RBM26: variants seen among roughly 807,000 people sequenced by gnomAD.
RBM26 encodes the protein RNA-binding protein 26.
A neutral mutation model predicts 123.6 loss-of-function variants in RBM26; 30 were observed. The ratio of observed to expected loss-of-function variants is 0.24; its 90% CI spans 0.18 to 0.33. RBM26 has a LOEUF of 0.33. Among genes scored for constraint, RBM26 ranks in the 10% least tolerant of loss-of-function variants. The pLI, the probability that RBM26 is intolerant of heterozygous loss-of-function variation, is 1.00. For synonymous variants in RBM26, 400 were observed against 404.4 expected, an observed-to-expected ratio of 0.99 and a Z score of 0.13; for missense variants, 947 against 1,203.6, an observed-to-expected ratio of 0.79 and a Z score of 3.15.
At chr13:79,354,309 G>T in intron 13 of RBM26, 130 bp downstream of exon 13, 1 of 700,626 alleles carries the variant, frequency 1.4e-6, no homozygotes, top group East Asian at 3.3e-5. Context: ...CCTTATAGGT[G>T]GGGTTCAAAT....
intron 20 of RBM26, among the ~76,000 whole-genome samples, chr13:79,322,802 G>A (rs2067836855): frequency 6.6e-6 from 1 of 151,408 alleles, no homozygotes; most frequent in Non-Finnish European, 1.5e-5. Flanking sequence ...GACAACTGCT[G>A]TTTAAGATGA....
At chr13:79,390,897 T>C (rs1342791765) in intron 1 of RBM26, among the ~76,000 whole-genome samples, 1 of 152,048 alleles carries the variant, frequency 6.6e-6, no homozygotes, top group African/African-American at 2.4e-5. Context: ...AATAAGAGAA[T>C]AGTGTAAAAG....
intron 1 of RBM26, chr13:79,389,615 G>A (rs2077771072): frequency 6.6e-6 from 1 of 152,240 alleles, no homozygotes; most frequent in East Asian, 1.9e-4. Context: ...GGTGTTCAGA[G>A]TGGTATGGCC....
chr13:79,356,712 T>C (rs1338613344), intron 11 of RBM26, among the ~76,000 whole-genome samples: 8 of 152,288 alleles, frequency 5.3e-5, no homozygotes, highest in South Asian at 2.1e-4. Flanking sequence ...CTAAAGAGTT[T>C]TGAAAATTGA....
intron 3 of RBM26, 190 bp downstream of exon 3, chr13:79,377,189 C>T: frequency 2.0e-6 from 1 of 494,954 alleles, no homozygotes; most frequent in Non-Finnish European, 3.6e-6. Flanking sequence ...TGCTTTATAT[C>T]CTTTTGCTGA....
chr13:79,363,551 T>C (rs1429194635), intron 9 of RBM26, among the ~76,000 whole-genome samples: 1 of 152,152 alleles, frequency 6.6e-6, no homozygotes, highest in African/African-American at 2.4e-5. Flanking sequence ...ACATGATGTA[T>C]CTAAAGAAGA....
At chr13:79,371,965 A>G (rs2075932246) in intron 3 of RBM26, 35 bp from the exon 4 acceptor site, 2 of 1,445,806 alleles carry the variant, frequency 1.4e-6, no homozygotes, top group Admixed American at 3.5e-5. Context: ...GTACAAGTTT[A>G]GTAATTATTC....
chr13:79,334,020 A>G (rs9530894), intron 20 of RBM26, among the ~76,000 whole-genome samples: 76,649 of 151,910 alleles, frequency 0.5, 19,746 homozygotes, highest in Middle Eastern at 0.6. Context: ...GTTTTGGGTC[A>G]GCTGAAAAAA....
intron 1 of RBM26, 54 bp downstream of exon 1, chr13:79,405,650 G>A: frequency 7.7e-7 from 1 of 1,306,828 alleles, no homozygotes; most frequent in Non-Finnish European, 1.1e-6. Flanking sequence ...AGATCTCTGG[G>A]TCCGCCTATC....
intron 1 of RBM26, among the ~76,000 whole-genome samples, chr13:79,385,414 A>G (rs556399939): frequency 2.0e-5 from 3 of 152,338 alleles, no homozygotes; most frequent in East Asian, 3.9e-4. Context: ...GCATCACACA[A>G]TCTATTAATA....
At chr13:79,325,060 A>G (rs988936981) in intron 20 of RBM26, among the ~76,000 whole-genome samples, 1 of 152,128 alleles carries the variant, frequency 6.6e-6, no homozygotes, top group Admixed American at 6.6e-5. Flanking sequence ...CCTTATAACT[A>G]TCATAATACA....
intron 18 of RBM26, among the ~76,000 whole-genome samples, chr13:79,338,369 T>C (rs1421478757): frequency 3.9e-5 from 6 of 152,168 alleles, no homozygotes; most frequent in African/African-American, 1.4e-4. Flanking sequence ...TTCCATTTTA[T>C]TCTCCGCTTT....
At chr13:79,391,823 TA>T (rs1463854299) in intron 1 of RBM26, among the ~76,000 whole-genome samples, 1 of 151,684 alleles carries the variant, frequency 6.6e-6, no homozygotes, top group Admixed American at 6.6e-5. Context: ...ATTTCCCTAA[TA>T]CATGAAAAGC....
At chr13:79,370,423 A>G (rs537958123) in intron 5 of RBM26, among the ~76,000 whole-genome samples, 14 of 152,332 alleles carry the variant, frequency 9.2e-5, no homozygotes, top group Non-Finnish European at 1.9e-4. Flanking sequence ...GCATGTATCA[A>G]TAGTTCTTTT....
chr13:79,338,831 G>T lies in RBM26; in HGVS notation c.2533-1529C>A, dbSNP rs192042967. Among the ~76,000 whole-genome samples, 20 of 152,230 alleles carry T rather than the reference G, an allele frequency of 1.3e-4. No individual in the cohort carries two copies. The East Asian group carries it at 2.3e-3, about 18-fold the overall frequency. On this transcript the variant is annotated intron_variant, in intron 18 of 21. Transcript: ENST00000438737. ...AGTGGCAATGGAGATAGAAGTAAAC[G>T]CATTTAAGATACATTTAGGAGTAAC...
intron 20 of RBM26, among the ~76,000 whole-genome samples, chr13:79,327,333 C>A (rs1261022613): frequency 1.3e-5 from 2 of 150,668 alleles, no homozygotes; most frequent in Admixed American, 6.6e-5. Flanking sequence ...GATCAAAAAT[C>A]TTAATGAAAC....
intron 9 of RBM26, 91 bp downstream of exon 9, chr13:79,365,487 C>A: frequency 3.0e-6 from 3 of 996,784 alleles, no homozygotes; most frequent in Admixed American, 2.2e-5. Flanking sequence ...CTTATCCAAC[C>A]CCAATAAAGG....
intron 3 of RBM26, chr13:79,376,599 A>T (rs1477514082): frequency 6.6e-6 from 1 of 152,160 alleles, no homozygotes; most frequent in Non-Finnish European, 1.5e-5. Context: ...TACACACAAA[A>T]ATTTTGGGAC....
intron 6 of RBM26, among the ~76,000 whole-genome samples, chr13:79,368,170 G>A (rs904778763): frequency 1.1e-4 from 17 of 151,872 alleles, no homozygotes; most frequent in African/African-American, 3.1e-4. Flanking sequence ...GACTACAGGC[G>A]CCAGCCACCA....
Sources: allele counts gnomAD v4.1 joint callset (sites outside exome capture counted in the v4.1 genomes callset), GRCh38; gene constraint gnomAD v4.1.1; transcripts MANE v1.5; gene names NCBI Gene and HGNC (gene_info 2026-07-23, HGNC 2026-07-21).